The following KIF17 variants were observed in gnomAD, a reference collection of about 807,000 sequenced individuals.
KIF17 encodes the protein kinesin family member 17.
KIF17 carries 80 observed loss-of-function variants against 96.8 expected under a neutral mutation model. The observed-to-expected ratio is 0.83, with a 90% confidence interval of 0.69 to 1.00. KIF17 has a LOEUF of 1.00. KIF17 is among the 50% of genes least tolerant of loss of function. The pLI, the probability that KIF17 is intolerant of heterozygous loss-of-function variation, is 0.00. For missense variants in KIF17, 1,280 were observed against 1,372.9 expected (o/e 0.93, Z 1.07); for synonymous variants, 567 against 587.5 (o/e 0.97, Z 0.51).
intron 8 of KIF17, chr1:20,686,443 G>C (rs1477799417): frequency 4.1e-6 from 2 of 487,696 alleles, no homozygotes; most frequent in Non-Finnish European, 7.5e-6. Flanking sequence ...AACCAAGGAA[G>C]TGGTAGACCT....
intron 6 of KIF17, among the ~76,000 whole-genome samples, chr1:20,697,755 G>T (rs889648891): frequency 4.6e-5 from 7 of 152,194 alleles, no homozygotes; most frequent in African/African-American, 1.2e-4. Context: ...GGCAGGAGTG[G>T]GGGGGCCCCC....
At chr1:20,670,011 CAG>C (rs2053612656) in intron 13 of KIF17, among the ~76,000 whole-genome samples, 3 of 125,014 alleles carry the variant, frequency 2.4e-5, no homozygotes, top group Non-Finnish European at 4.9e-5. Context: ...AAAAAAAAGA[CAG>C]AATATGAGAG....
At chr1:20,673,550 T>TTTTTTTA in intron 11 of KIF17, among the ~76,000 whole-genome samples, 2 of 150,820 alleles carry the variant, frequency 1.3e-5, no homozygotes, top group African/African-American at 4.9e-5. Flanking sequence ...TTTTTTTTTT[T>TTTTTTTA]GAGACAGATT....
chr1:20,698,745 G>A (rs1442142540), intron 5 of KIF17, among the ~76,000 whole-genome samples: 9 of 152,156 alleles, frequency 5.9e-5, no homozygotes, highest in Non-Finnish European at 1.5e-5. Flanking sequence ...TTTCCACTGG[G>A]AAAAAGAGGA....
chr1:20,666,378 C>G (rs751931009), intron 13 of KIF17, 47 bp from the exon 14 acceptor site: 13 of 1,435,528 alleles, frequency 9.1e-6, no homozygotes, highest in Admixed American at 1.7e-5. Flanking sequence ...GTTTGTGCCC[C>G]TGGCACAGGG....
chr1:20,676,691 C>T (rs1015195934), intron 11 of KIF17, among the ~76,000 whole-genome samples: 4 of 151,968 alleles, frequency 2.6e-5, no homozygotes, highest in Admixed American at 1.3e-4. Flanking sequence ...ATTAGCCAGG[C>T]GTGGTGGCAC....
At chr1:20,683,512 G>A (rs553401864) in intron 10 of KIF17, among the ~76,000 whole-genome samples, 14 of 152,110 alleles carry the variant, frequency 9.2e-5, no homozygotes, top group Non-Finnish European at 1.3e-4. Flanking sequence ...AAAATTAGCC[G>A]GGCGTGATGG....
At chr1:20,713,362 C>G in intron 3 of KIF17, 92 bp downstream of exon 3, 1 of 977,212 alleles carries the variant, frequency 1.0e-6, no homozygotes, top group Non-Finnish European at 1.6e-6. Flanking sequence ...TGCCGGCACC[C>G]TCAGGACACT....
rs1277714386 is a variant in KIF17, at chr1:20,672,581, C to A, written c.2464-385G>T. Among the ~76,000 whole-genome samples the A allele has an allele frequency of 6.6e-6, 1 of 152,208 alleles. No individual in the cohort carries two copies. The highest frequency in any genetic ancestry group is 1.5e-5 in the Non-Finnish European group (1 of 68,044). On this transcript the variant is annotated intron_variant, in intron 11 of 14. Transcript: ENST00000400463. This position sits in a 1 kb window ranked among gnomAD's most constrained non-coding sequence, Gnocchi z 4.3. The stretch of plus-strand genomic sequence containing the variant: ...CTTTGAGAAGTCCCCACATCCAACA[C>A]CACCGTTCTAAAGGATATCAGAGAA...
rs770866526 is a variant in KIF17, at chr1:20,687,629, A to G, written c.1697T>C (p.Met566Thr). The G allele has an allele frequency of 3.1e-6, 5 of 1,614,170 alleles. No individual in the cohort carries two copies. In the South Asian group the frequency reaches 4.4e-5, roughly 14 times the overall value. Residue 566 changes from methionine to threonine, a missense_variant, in exon 8 of 15, where the codon ATG (methionine) becomes ACG (threonine). Physicochemically the swap from Met to Thr is moderately conservative, Grantham distance 81 (BLOSUM62 -1). Coordinates refer to ENST00000400463, the MANE Select transcript of KIF17 (RefSeq NM_001122819.3). The surrounding 1 kb of genome is among the most constrained non-coding windows in gnomAD (Gnocchi z 4.4). ...PEEPSNVEVSMPTEESRSRYF... is the reference protein window; with the variant it reads ...PEEPSNVEVSTPTEESRSRYF... Reference sequence around the variant, plus strand: ...TCTGCTCCTGGACTCCTCAGTGGGCATGGAGACCTCCACGTTGGAGGGCTC... The same window carrying G: ...TCTGCTCCTGGACTCCTCAGTGGGCGTGGAGACCTCCACGTTGGAGGGCTC...
rs570811037 is a variant in KIF17 at position 20,685,930 on chromosome 1, G to T, written c.2019+116C>A. On this transcript the variant is annotated intron_variant, in intron 9 of 14. Coordinates refer to ENST00000400463, the MANE Select transcript of KIF17 (RefSeq NM_001122819.3). The surrounding 1 kb of genome is among the most constrained non-coding windows in gnomAD (Gnocchi z 4.1). ...AAGCCCGGGGAAGGCTGGAGTTGTT[G>T]TTCTCAGCTCATGGATGAGGAAACT... The T allele has an allele frequency of 1.1e-4, 97 of 894,382 alleles. No homozygotes were observed. The African/African-American group carries it at 1.5e-3, about 14-fold the overall frequency. The allele number at this position is 894,382 out of a possible 1,614,324, so 55.4% of individuals were successfully genotyped here. A position where few individuals can be genotyped will look rare whatever the true frequency, so the allele number is the denominator to read the frequency against.
At chr1:20,677,283 G>A (rs1313275145) in intron 11 of KIF17, among the ~76,000 whole-genome samples, 1 of 152,206 alleles carries the variant, frequency 6.6e-6, no homozygotes, top group Non-Finnish European at 1.5e-5. Context: ...ACATGCTAGT[G>A]GAAATGCCAA....
intron 12 of KIF17, 74 bp from the exon 13 acceptor site, chr1:20,670,562 G>A (rs2053630706): frequency 2.1e-6 from 3 of 1,431,962 alleles, no homozygotes; most frequent in Admixed American, 1.7e-5. Context: ...GGTGGAGGTG[G>A]GGGTCAGGCC....
chr1:20,697,899 C>T (rs2054169626), intron 6 of KIF17, among the ~76,000 whole-genome samples: 1 of 152,190 alleles, frequency 6.6e-6, no homozygotes, highest in Non-Finnish European at 1.5e-5. Context: ...CAGCTTTTTC[C>T]AGGAGGCCAA....
chr1:20,667,288 G>A (rs556395125), intron 13 of KIF17, among the ~76,000 whole-genome samples: 35 of 152,248 alleles, frequency 2.3e-4, no homozygotes, highest in African/African-American at 7.0e-4. Context: ...TGAACTGCAC[G>A]TGTGAGGGAT....
Position 20,700,103 on chromosome 1 carries a change from G to C in KIF17, c.1124-1615C>G, listed in dbSNP as rs370607395. The stretch of plus-strand genomic sequence containing the variant: ...TTTTGTTTTTTGAGACGGGGTCTTT[G>C]CTCTGTCGCCTAGGCTAGATGCAAT... On this transcript the variant is annotated intron_variant, in intron 5 of 14. Transcript: ENST00000400463. The surrounding 1 kb of genome is among the most constrained non-coding windows in gnomAD (Gnocchi z 4.6). Among the ~76,000 whole-genome samples the C allele has an allele frequency of 1.3e-5, 2 of 152,240 alleles. No individual in the cohort carries two copies. The highest frequency in any genetic ancestry group is 2.1e-4 in the South Asian group (1 of 4,820).
intron 11 of KIF17, among the ~76,000 whole-genome samples, chr1:20,680,482 C>G (rs1266804701): frequency 6.6e-6 from 1 of 151,708 alleles, no homozygotes; most frequent in Non-Finnish European, 1.5e-5. Flanking sequence ...AAGGCCGAGG[C>G]GGGAGGATTG....
At chr1:20,707,723 T>C (rs2054364798) in intron 4 of KIF17, among the ~76,000 whole-genome samples, 1 of 148,672 alleles carries the variant, frequency 6.7e-6, no homozygotes, top group Admixed American at 6.7e-5. Context: ...TGATCTGAGA[T>C]TGCACCACTG....
intron 10 of KIF17, among the ~76,000 whole-genome samples, chr1:20,683,093 C>T (rs669410): frequency 0.53 from 80,925 of 151,966 alleles, 21,972 homozygotes; most frequent in Non-Finnish European, 0.59. Flanking sequence ...GTGCACTTGA[C>T]CACAGTGGCA....
Sources: allele counts gnomAD v4.1 joint callset (sites outside exome capture counted in the v4.1 genomes callset), GRCh38; gene constraint gnomAD v4.1.1; non-coding constraint Gnocchi (gnomAD v3.1); transcripts MANE v1.5; gene names NCBI Gene and HGNC (gene_info 2026-07-23, HGNC 2026-07-21).